The following RASSF6 variants were observed in gnomAD, a reference collection of about 807,000 sequenced individuals.
RASSF6 encodes the protein ras association domain-containing protein 6.
In RASSF6, 52 loss-of-function variants were observed where a neutral mutation model predicts 44.0. The observed-to-expected ratio is 1.18, with a 90% CI of 0.95 to 1.49. The LOEUF (loss-of-function observed/expected upper bound fraction) is 1.49. Ranked by LOEUF, RASSF6 falls within the 40% of genes most tolerant of loss-of-function variation. The pLI, the probability that RASSF6 is intolerant of heterozygous loss-of-function variation, is 0.00. For missense variants in RASSF6, 464 were observed against 393.3 expected (o/e 1.18, Z -1.52); for synonymous variants, 162 against 124.6 (o/e 1.30, Z -2.00).
intron 8 of RASSF6, among the ~76,000 whole-genome samples, chr4:73,578,121 A>G (rs1325077409): frequency 2.6e-5 from 4 of 152,050 alleles, no homozygotes; most frequent in Non-Finnish European, 5.9e-5. Context: ...TGAAATTATA[A>G]AGAACTACAT....
At chr4:73,586,452 A>G (rs1476556256) in intron 5 of RASSF6, among the ~76,000 whole-genome samples, 2 of 151,970 alleles carry the variant, frequency 1.3e-5, no homozygotes, top group Non-Finnish European at 2.9e-5. Context: ...TTGAGCTACA[A>G]TGTGTTACTA....
intron 2 of RASSF6, among the ~76,000 whole-genome samples, chr4:73,599,905 A>G (rs1377547351): frequency 6.6e-6 from 1 of 151,564 alleles, no homozygotes; most frequent in East Asian, 1.9e-4. Context: ...CCCTCACTTC[A>G]TGCAACCACC....
intron 8 of RASSF6, among the ~76,000 whole-genome samples, chr4:73,577,595 A>G (rs893132211): frequency 2.6e-5 from 4 of 152,062 alleles, no homozygotes; most frequent in Non-Finnish European, 4.4e-5. Flanking sequence ...GCCTCCCCAC[A>G]ATTAAAGTGA....
chr4:73,605,447 A>AAATTAC (rs534021826), intron 2 of RASSF6, among the ~76,000 whole-genome samples: 31 of 152,212 alleles, frequency 2.0e-4, no homozygotes, highest in Admixed American at 3.3e-4. Flanking sequence ...CCTGGAATTA[A>AAATTAC]AATTACAAGT....
intron 1 of RASSF6, among the ~76,000 whole-genome samples, chr4:73,613,400 A>T (rs1468981221): frequency 6.6e-6 from 1 of 152,174 alleles, no homozygotes; most frequent in East Asian, 1.9e-4. Context: ...GGTCTGGGCA[A>T]CTTGGTTATA....
At chr4:73,620,484 G>T, upstream of RASSF6, 1 of 1,546,702 alleles carries the variant, frequency 6.5e-7, no homozygotes, top group Non-Finnish European at 8.7e-7. Context: ...GGCGGCGCCT[G>T]TCTCCTCCCA....
In RASSF6 at chr4:73,582,184, G is replaced by A; in HGVS notation, c.669+5C>T. On this transcript the variant is annotated splice_donor_5th_base_variant and intron_variant, in intron 7 of 10. Coordinates refer to ENST00000307439, the MANE Select transcript of RASSF6 (RefSeq NM_177532.5). ...TTTATAGCTCAGTTAAGTGATAAAG[G>A]TTACCTTAAATTTTTGGAGAAGTTG... 2.2e-6 allele frequency: 3 copies of A among 1,380,968 alleles called. No homozygotes were observed. The highest frequency in any genetic ancestry group is 3.0e-6 in the Non-Finnish European group (3 of 984,580). 85.5% of individuals were successfully genotyped at this position (1,380,968 alleles called of 1,614,324 possible).
intron 4 of RASSF6, among the ~76,000 whole-genome samples, chr4:73,591,056 T>C (rs1724512440): frequency 6.6e-6 from 1 of 152,226 alleles, no homozygotes; most frequent in Non-Finnish European, 1.5e-5. Context: ...ACAAGTGTTT[T>C]AAATTTGAGA....
intron 1 of RASSF6, chr4:73,615,763 G>T: frequency 1.4e-6 from 1 of 727,036 alleles, no homozygotes; most frequent in South Asian, 1.7e-5. Flanking sequence ...GTCTGAACAA[G>T]CCAATGAGAT....
rs958334807 is a variant in RASSF6 at position 73,571,968 on chromosome 4, C to T, written c.*4267G>A. On this transcript the variant is annotated 3_prime_UTR_variant, in exon 11 of 11. Transcript: ENST00000307439. ...GTATGAGCTATACATTGCTATGTAA[C>T]AAATTGCCCCAAATTTAGCGGCGTA... 2 of 152,092 alleles carry T rather than the reference C, an allele frequency of 1.3e-5. No individual in the cohort carries two copies. Among genetic ancestry groups the T allele is most frequent in the African/African-American group, 4.8e-5 (2 of 41,390 alleles). The allele number at this position is 152,092 out of a possible 1,614,324, so 9.4% of individuals were successfully genotyped here.
At chr4:73,611,999 G>C (rs1726048437) in intron 1 of RASSF6, among the ~76,000 whole-genome samples, 170 bp from the exon 2 acceptor site, 1 of 152,134 alleles carries the variant, frequency 6.6e-6, no homozygotes, top group African/African-American at 2.4e-5. Flanking sequence ...TTATGTAAAT[G>C]AAAAACTACA....
intron 6 of RASSF6, 82 bp from the exon 7 acceptor site, chr4:73,582,372 G>A (rs1330437155): frequency 1.5e-5 from 9 of 593,192 alleles, no homozygotes; most frequent in Non-Finnish European, 2.5e-5. Flanking sequence ...TCTTCTTATA[G>A]GGCAAAAAAA....
At chr4:73,585,994 C>T (rs1317594313) in intron 5 of RASSF6, among the ~76,000 whole-genome samples, 1 of 98,498 alleles carries the variant, frequency 1.0e-5, no homozygotes, top group African/African-American at 4.1e-5. Flanking sequence ...TCCCCCCACC[C>T]CATTATATGT....
intron 3 of RASSF6, 83 bp downstream of exon 3, chr4:73,598,557 T>G: frequency 6.0e-6 from 4 of 664,882 alleles, no homozygotes; most frequent in Non-Finnish European, 9.7e-6. Context: ...TTTCACCTGT[T>G]TCTTCCAGAA....
At chr4:73,582,856 A>G (rs1723781683) in intron 6 of RASSF6, among the ~76,000 whole-genome samples, 1 of 152,032 alleles carries the variant, frequency 6.6e-6, no homozygotes, top group Non-Finnish European at 1.5e-5. Flanking sequence ...ACACACACAC[A>G]CACGGCATTT....
At chr4:73,577,859 C>T (rs1723336734) in intron 8 of RASSF6, among the ~76,000 whole-genome samples, 1 of 152,122 alleles carries the variant, frequency 6.6e-6, no homozygotes, top group Non-Finnish European at 1.5e-5. Flanking sequence ...CTAGAGTTGT[C>T]CCCTGATCTG....
At chr4:73,596,367 CCAAA>C (rs1376129826) in intron 3 of RASSF6, among the ~76,000 whole-genome samples, 42 of 152,130 alleles carry the variant, frequency 2.8e-4, no homozygotes, top group Non-Finnish European at 5.9e-5. Context: ...GAGCCAAATC[CCAAA>C]CAAACTCCCA....
chr4:73,614,662 T>C (rs1401068225), intron 1 of RASSF6, among the ~76,000 whole-genome samples: 1 of 152,196 alleles, frequency 6.6e-6, no homozygotes, highest in Non-Finnish European at 1.5e-5. Context: ...ATATCAAAGA[T>C]ATCATTAAAG....
intron 6 of RASSF6, among the ~76,000 whole-genome samples, chr4:73,584,529 C>T (rs1383871450): frequency 6.6e-6 from 1 of 152,100 alleles, no homozygotes; most frequent in African/African-American, 2.4e-5. Flanking sequence ...ACTACAACTA[C>T]ACTTATATAA....
Sources: allele counts gnomAD v4.1 joint callset (sites outside exome capture counted in the v4.1 genomes callset), GRCh38; gene constraint gnomAD v4.1.1; transcripts MANE v1.5; gene names NCBI Gene and HGNC (gene_info 2026-07-23, HGNC 2026-07-21).